Variants in CNTNAP2 observed in about 807,000 individuals in gnomAD.
CNTNAP2 encodes contactin associated protein 2, also known as contactin-associated protein-like 2.
Under a neutral mutation model 155.2 loss-of-function variants are expected in CNTNAP2, and 98 were observed. The ratio of observed to expected loss-of-function variants is 0.63; its 90% CI spans 0.54 to 0.75. The LOEUF (loss-of-function observed/expected upper bound fraction) is 0.75. CNTNAP2 is among the 30% of genes least tolerant of loss of function. The probability of loss-of-function intolerance (pLI) is 0.00; values close to 1 mark genes in which losing one functional copy is unlikely to be tolerated. For synonymous variants in CNTNAP2, 651 were observed against 631.2 expected (o/e 1.03, Z -0.47); for missense variants, 1,727 against 1,688.1 (o/e 1.02, Z -0.40).
intron 1 of CNTNAP2, among the ~76,000 whole-genome samples, chr7:146,717,589 T>C (rs537673187): frequency 3.9e-5 from 6 of 152,148 alleles, no homozygotes; most frequent in African/African-American, 1.2e-4. Context: ...AGGCATTCCA[T>C]TCCTGTTTTG....
chr7:147,434,917 A>G (rs1797526752), intron 10 of CNTNAP2, among the ~76,000 whole-genome samples: 1 of 152,178 alleles, frequency 6.6e-6, no homozygotes, highest in South Asian at 2.1e-4. Context: ...CATGCCACAC[A>G]TCATCTTTTG....
At chr7:148,107,006 A>T (rs562968535) in intron 15 of CNTNAP2, among the ~76,000 whole-genome samples, 1 of 152,248 alleles carries the variant, frequency 6.6e-6, no homozygotes, top group East Asian at 1.9e-4. Context: ...ATAGCCCCCC[A>T]AATGAAAAGT....
At chr7:147,047,105 CTT>C (rs34699998) in intron 4 of CNTNAP2, among the ~76,000 whole-genome samples, 13 of 99,796 alleles carry the variant, frequency 1.3e-4, no homozygotes, top group Non-Finnish European at 2.4e-4. Context: ...AGTTATGTTT[CTT>C]TTTTTTTTTT....
intron 12 of CNTNAP2, among the ~76,000 whole-genome samples, chr7:147,632,765 C>G (rs1434681052): frequency 6.6e-6 from 1 of 152,042 alleles, no homozygotes; most frequent in Non-Finnish European, 1.5e-5. Context: ...CAGAATAAGA[C>G]AAGAAAATGT....
At chr7:147,152,944 T>C (rs1436136849) in intron 8 of CNTNAP2, among the ~76,000 whole-genome samples, 1 of 152,108 alleles carries the variant, frequency 6.6e-6, no homozygotes, top group East Asian at 1.9e-4. Flanking sequence ...CTTTTTCCAT[T>C]GGTTCATGCT....
chr7:147,258,226 T>A (rs1337319438), intron 8 of CNTNAP2, among the ~76,000 whole-genome samples: 2 of 152,164 alleles, frequency 1.3e-5, no homozygotes. Context: ...TAAATTATTT[T>A]TTAATTGATG....
At chr7:148,353,176 A>G (rs910443414) in intron 21 of CNTNAP2, among the ~76,000 whole-genome samples, 1 of 152,158 alleles carries the variant, frequency 6.6e-6, no homozygotes, top group Non-Finnish European at 1.5e-5. Context: ...CATTTTCACA[A>G]CCTTAAGGTA....
chr7:147,266,055 G>A (rs1338226894), intron 8 of CNTNAP2, among the ~76,000 whole-genome samples: 4 of 152,126 alleles, frequency 2.6e-5, no homozygotes, highest in Non-Finnish European at 5.9e-5. Context: ...AAAAAATGCT[G>A]AACACTCAAA....
At chr7:147,725,306 G>A (rs1404496877) in intron 13 of CNTNAP2, among the ~76,000 whole-genome samples, 1 of 151,982 alleles carries the variant, frequency 6.6e-6, no homozygotes, top group Non-Finnish European at 1.5e-5. Flanking sequence ...AGCCAAAGAA[G>A]CCATTAAGAA....
At chr7:148,284,941 GC>G (rs2116469803) in intron 21 of CNTNAP2, among the ~76,000 whole-genome samples, 2 of 152,290 alleles carry the variant, frequency 1.3e-5, no homozygotes, top group East Asian at 3.9e-4. Context: ...CACTAACATG[GC>G]CACATTTGGG....
At chr7:147,560,394 T>C (rs1800040129) in intron 11 of CNTNAP2, among the ~76,000 whole-genome samples, 1 of 152,146 alleles carries the variant, frequency 6.6e-6, no homozygotes, top group Non-Finnish European at 1.5e-5. Flanking sequence ...TATGGCATCT[T>C]CCTGCTAAAA....
chr7:148,079,093 T>A (rs1483174425), intron 15 of CNTNAP2, among the ~76,000 whole-genome samples: 1 of 152,180 alleles, frequency 6.6e-6, no homozygotes, highest in Non-Finnish European at 1.5e-5. Flanking sequence ...TATGATGTTG[T>A]CAACAGAAAG....
intron 13 of CNTNAP2, among the ~76,000 whole-genome samples, chr7:147,777,836 C>A (rs1371414195): frequency 6.6e-6 from 1 of 152,136 alleles, no homozygotes; most frequent in Non-Finnish European, 1.5e-5. Context: ...TTACTTCCTG[C>A]AATTTCTCTA....
intron 13 of CNTNAP2, among the ~76,000 whole-genome samples, chr7:147,886,360 A>G (rs1799598342): frequency 6.6e-6 from 1 of 151,160 alleles, no homozygotes; most frequent in Admixed American, 6.6e-5. Context: ...CTGTAATCCC[A>G]GCTACTTGGG....
intron 1 of CNTNAP2, among the ~76,000 whole-genome samples, chr7:146,266,768 G>A (rs1483619043): frequency 6.6e-6 from 1 of 151,944 alleles, no homozygotes; most frequent in Non-Finnish European, 1.5e-5. Flanking sequence ...GCTTTAAATT[G>A]CACATGTGAC....
intron 1 of CNTNAP2, among the ~76,000 whole-genome samples, chr7:146,217,706 T>C (rs1435314613): frequency 1.3e-5 from 2 of 152,100 alleles, no homozygotes; most frequent in Admixed American, 6.5e-5. Flanking sequence ...ATCACAGTGG[T>C]GGTTGCCTCT....
At chr7:146,240,743 G>A (rs1799547284) in intron 1 of CNTNAP2, among the ~76,000 whole-genome samples, 1 of 152,156 alleles carries the variant, frequency 6.6e-6, no homozygotes, top group African/African-American at 2.4e-5. Context: ...AAAATTTAGT[G>A]TTTAGAACTA....
intron 3 of CNTNAP2, among the ~76,000 whole-genome samples, chr7:146,861,443 CTTAT>C (rs1280527271): frequency 6.6e-6 from 1 of 152,070 alleles, no homozygotes; most frequent in Non-Finnish European, 1.5e-5. Flanking sequence ...GTACAGTTGT[CTTAT>C]TTAATAAAAT....
At chr7:147,841,761 T>C (rs1348081829) in intron 13 of CNTNAP2, among the ~76,000 whole-genome samples, 1 of 152,186 alleles carries the variant, frequency 6.6e-6, no homozygotes, top group Admixed American at 6.6e-5. Context: ...AAAAATAGTA[T>C]TTATACATAA....
Sources: allele counts gnomAD v4.1 joint callset (sites outside exome capture counted in the v4.1 genomes callset), GRCh38; gene constraint gnomAD v4.1.1; transcripts MANE v1.5; gene names NCBI Gene and HGNC (gene_info 2026-07-23, HGNC 2026-07-21).